CNTN5: variants seen among roughly 807,000 people sequenced by gnomAD.
CNTN5 encodes contactin 5.
In CNTN5, 77 loss-of-function variants were observed where a neutral mutation model predicts 129.1. The ratio of observed to expected loss-of-function variants is 0.60; its 90% CI spans 0.50 to 0.72. The LOEUF is 0.72. CNTN5 is among the 30% of genes least tolerant of loss of function. CNTN5 has a pLI of 0.00. For synonymous variants in CNTN5, 509 were observed against 465.6 expected (o/e 1.09, Z -1.20); for missense variants, 1,478 against 1,328.8 (o/e 1.11, Z -1.75).
intron 1 of CNTN5, among the ~76,000 whole-genome samples, chr11:99,078,003 G>A (rs1254457069): frequency 6.6e-6 from 1 of 152,044 alleles, no homozygotes; most frequent in East Asian, 1.9e-4. Context: ...TCTTCAATAA[G>A]CCTTAAATGT....
chr11:99,676,203 T>C (rs1356476425), intron 3 of CNTN5, among the ~76,000 whole-genome samples: 4 of 152,250 alleles, frequency 2.6e-5, no homozygotes, highest in Admixed American at 6.5e-5. Flanking sequence ...CTTATTACTC[T>C]GTTTTACTCA....
chr11:100,097,201 G>A (rs891414183), intron 13 of CNTN5, among the ~76,000 whole-genome samples: 1 of 151,996 alleles, frequency 6.6e-6, no homozygotes, highest in African/African-American at 2.4e-5. Context: ...TAATATTGAG[G>A]GAGCAGCTTT....
chr11:99,165,030 A>C (rs760449282), intron 1 of CNTN5, among the ~76,000 whole-genome samples: 28 of 152,138 alleles, frequency 1.8e-4, no homozygotes, highest in Non-Finnish European at 4.0e-4. Flanking sequence ...ATTTTTTTTT[A>C]GTTGTTGGGT....
At chr11:99,805,117 G>A (rs1015783212) in intron 3 of CNTN5, among the ~76,000 whole-genome samples, 4 of 152,130 alleles carry the variant, frequency 2.6e-5, no homozygotes, top group African/African-American at 4.8e-5. Flanking sequence ...TGGTTTAAAG[G>A]TTTGAAAGAA....
chr11:100,093,243 A>G (rs911963619), intron 13 of CNTN5, among the ~76,000 whole-genome samples: 3 of 151,984 alleles, frequency 2.0e-5, no homozygotes, highest in Non-Finnish European at 4.4e-5. Context: ...TACCACAGCT[A>G]GTGTTTGTTG....
At chr11:99,714,853 G>GAA (rs10699540) in intron 3 of CNTN5, among the ~76,000 whole-genome samples, 108,937 of 148,068 alleles carry the variant, frequency 0.74, 40,784 homozygotes, top group East Asian at 0.9. Context: ...AGCTCATGTG[G>GAA]AAAAAAAAAA....
intron 3 of CNTN5, among the ~76,000 whole-genome samples, chr11:99,742,721 C>A (rs1218362715): frequency 6.6e-6 from 1 of 152,148 alleles, no homozygotes; most frequent in Non-Finnish European, 1.5e-5. Context: ...ACGCTGGATC[C>A]TAAAATCTGT....
intron 23 of CNTN5, among the ~76,000 whole-genome samples, chr11:100,347,519 G>A (rs1591533341): frequency 2.0e-5 from 3 of 152,006 alleles, no homozygotes; most frequent in African/African-American, 7.2e-5. Context: ...AATAGAAATG[G>A]CTCATGTCAC....
chr11:99,858,454 G>T (rs1207371922), intron 6 of CNTN5, among the ~76,000 whole-genome samples: 2 of 151,862 alleles, frequency 1.3e-5, no homozygotes, highest in East Asian at 3.9e-4. Context: ...AAATCTCTAT[G>T]TCTCTGTGCA....
chr11:99,979,568 A>T (rs540743823), intron 8 of CNTN5, among the ~76,000 whole-genome samples: 1 of 152,030 alleles, frequency 6.6e-6, no homozygotes. Context: ...TATGGAGGGG[A>T]GGTAGTTTAC....
chr11:99,395,845 A>G (rs1941494536), intron 2 of CNTN5, among the ~76,000 whole-genome samples: 1 of 151,812 alleles, frequency 6.6e-6, no homozygotes, highest in African/African-American at 2.4e-5. Flanking sequence ...CAAAGAACGT[A>G]TGGTCTTAGA....
intron 21 of CNTN5, among the ~76,000 whole-genome samples, chr11:100,315,690 G>GA (rs538984061): frequency 1.6e-4 from 24 of 150,842 alleles, no homozygotes; most frequent in South Asian, 4.2e-4. Flanking sequence ...GAAGAAATAA[G>GA]AAAAAAAAAT....
chr11:99,454,974 G>T (rs554800845), intron 2 of CNTN5, among the ~76,000 whole-genome samples: 1 of 152,170 alleles, frequency 6.6e-6, no homozygotes, highest in South Asian at 2.1e-4. Context: ...TTGTTTGGTT[G>T]GTTGGTTTTG....
chr11:99,272,351 T>G (rs1451929805), intron 1 of CNTN5, among the ~76,000 whole-genome samples: 1 of 151,790 alleles, frequency 6.6e-6, no homozygotes, highest in Admixed American at 6.6e-5. Flanking sequence ...ACATAGAGTT[T>G]TGCTGTTAAG....
chr11:100,120,250 A>G (rs1302230895), intron 13 of CNTN5, among the ~76,000 whole-genome samples: 1 of 152,110 alleles, frequency 6.6e-6, no homozygotes, highest in East Asian at 1.9e-4. Flanking sequence ...GCATGTGATT[A>G]AGGATTTTAT....
intron 2 of CNTN5, among the ~76,000 whole-genome samples, chr11:99,459,564 G>T (rs1591094988): frequency 6.6e-6 from 1 of 151,956 alleles, no homozygotes; most frequent in Non-Finnish European, 1.5e-5. Context: ...GAATAAAAAG[G>T]ACAGTTTTGA....
chr11:100,293,424 A>G (rs1951037404), intron 18 of CNTN5, among the ~76,000 whole-genome samples: 1 of 151,734 alleles, frequency 6.6e-6, no homozygotes. Context: ...TACCAAAACA[A>G]TATTATTGGA....
intron 4 of CNTN5, among the ~76,000 whole-genome samples, chr11:99,841,079 T>C (rs1366093480): frequency 6.6e-6 from 1 of 152,190 alleles, no homozygotes; most frequent in Non-Finnish European, 1.5e-5. Context: ...AGCCACTGTT[T>C]AACTTGGCAT....
intron 18 of CNTN5, among the ~76,000 whole-genome samples, chr11:100,282,975 T>G (rs1216968695): frequency 6.6e-6 from 1 of 152,178 alleles, no homozygotes; most frequent in Non-Finnish European, 1.5e-5. Context: ...GAACTCACCC[T>G]TCAGGGCAAT....
Sources: gnomAD v4.1 joint callset for allele counts (sites outside exome capture counted in the v4.1 genomes callset) on GRCh38, gnomAD v4.1.1 for gene constraint, MANE v1.5 for transcripts, NCBI Gene and HGNC (gene_info 2026-07-23, HGNC 2026-07-21) for gene names.